Variants in ZNF571 observed in about 807,000 individuals in gnomAD.
ZNF571 encodes the protein zinc finger protein 571.
Under a neutral mutation model 7.7 loss-of-function variants are expected in ZNF571, and 4 were observed. The ratio of observed to expected loss-of-function variants is 0.52; its 90% CI spans 0.25 to 1.18. The LOEUF (loss-of-function observed/expected upper bound fraction) is 1.18, where lower values mean the gene tolerates loss of function less well. ZNF571 is among the 50% of genes most tolerant of loss of function. ZNF571 has a pLI of 0.14. For synonymous variants in ZNF571, 251 were observed against 232.4 expected, an observed-to-expected ratio of 1.08 and a Z score of -0.73; for missense variants, 704 against 726.9, an observed-to-expected ratio of 0.97 and a Z score of 0.36.
Position 37,565,003 on chromosome 19 carries a change from T to C in ZNF571, c.1425A>G (p.Glu475=), listed in dbSNP as rs2042797983. ...CAAAGGTCTTCCCACATTCCTTACATTCATAATGTTTCTCACCATGAATTT... is the reference window on the plus strand; with the variant it reads ...CAAAGGTCTTCCCACATTCCTTACACTCATAATGTTTCTCACCATGAATTT... ...HEKIHGEKHY[E]CKECGKTFVR... is the part of the protein sequence containing the mutation. The change falls in exon 4 of 4, where the codon GAA becomes GAG. Residue 475 remains glutamate (E), a synonymous_variant. Transcript: ENST00000451802. 2 of 1,613,904 alleles carry C rather than the reference T, an allele frequency of 1.2e-6. No individual in the cohort carries two copies. The highest frequency in any genetic ancestry group is 1.7e-4 in the Middle Eastern group (1 of 6,056).
At chr19:37,572,894 G>T (rs1186439716) in intron 3 of ZNF571, among the ~76,000 whole-genome samples, 1 of 148,032 alleles carries the variant, frequency 6.8e-6, no homozygotes, top group Non-Finnish European at 1.5e-5. Flanking sequence ...TTCAGGGCAA[G>T]AAATAATTAT....
At chr19:37,572,665 C>T (rs1301131541) in intron 3 of ZNF571, among the ~76,000 whole-genome samples, 1 of 152,130 alleles carries the variant, frequency 6.6e-6, no homozygotes, top group Non-Finnish European at 1.5e-5. Flanking sequence ...CTAACTCATG[C>T]CTCCATATAT....
rs114707086 is a variant in ZNF571 at position 37,578,695 on chromosome 19, G to A, written c.136+5276C>T. On this transcript the variant is annotated intron_variant, in intron 3 of 3. Transcript: ENST00000451802. ...GCGACCCTGTCCCCACCTGAACTCT[G>A]CAGGCAGGCACAGCTCCACATTCCC... Among the ~76,000 whole-genome samples, 573 of 150,796 alleles carry A rather than the reference G, an allele frequency of 3.8e-3. 3 individuals carry two copies. The highest frequency in any genetic ancestry group is 0.013 in the African/African-American group (536 of 40,958).
intron 1 of ZNF571, among the ~76,000 whole-genome samples, chr19:37,588,130 C>T (rs2043745775): frequency 9.1e-6 from 1 of 109,520 alleles, no homozygotes; most frequent in African/African-American, 3.4e-5. Context: ...AAAAAAAAAT[C>T]CCATGGGTTA....
chr19:37,566,552 C>G, intron 3 of ZNF571: 1 of 325,734 alleles, frequency 3.1e-6, no homozygotes, highest in Non-Finnish European at 5.6e-6. Flanking sequence ...ACCCAGGAGG[C>G]TTATAAAATA....
chr19:37,564,730 G>A lies in ZNF571; in HGVS notation c.1698C>T (p.Ala566=), dbSNP rs1465293996. 2 of 1,613,472 alleles carry A rather than the reference G, an allele frequency of 1.2e-6. No individual in the cohort carries two copies. Among genetic ancestry groups the A allele is most frequent in the South Asian group, 1.1e-5 (1 of 91,080 alleles). ...KPYECKECGR[A]FSRGSELTLH... ...GAGTAAGTTCTGAGCCACGACTAAA[G>A]GCCCTCCCACATTCCTTACATTCAT... Residue 566 remains alanine, a synonymous_variant, in exon 4 of 4, where the codon GCC becomes GCT. Coordinates refer to ENST00000451802, the MANE Select transcript of ZNF571 (RefSeq NM_016536.5).
chr19:37,582,026 C>G (rs4803277), intron 3 of ZNF571, among the ~76,000 whole-genome samples: 147,460 of 152,280 alleles, frequency 0.97, 71,433 homozygotes, highest in African/African-American at 0.99. Flanking sequence ...TATATAAACT[C>G]TAATCACACT....
chr19:37,575,993 C>T (rs1487878041), intron 3 of ZNF571, among the ~76,000 whole-genome samples: 2 of 151,900 alleles, frequency 1.3e-5, no homozygotes, highest in Non-Finnish European at 2.9e-5. Context: ...TGCCAAACTT[C>T]AAAACAGGAA....
rs1174545264 is a variant in ZNF571, at chr19:37,564,618, G to A, written c.1810C>T (p.His604Tyr). The A allele has an allele frequency of 6.5e-7, 1 of 1,545,334 alleles. No individual in the cohort carries two copies. Among genetic ancestry groups the A allele is most frequent in the Non-Finnish European group, 8.7e-7 (1 of 1,146,934 alleles). ...DFRCPSQLTQ[H>Y]TRLHN ...CTTTCTCAATTATGAAGCCTTGTAT[G>A]TTGAGTAAGTTGTGAAGGACATCTA... The change falls in exon 4 of 4, where the codon CAT (histidine) becomes TAT (tyrosine). Residue 604 changes from histidine to tyrosine, a missense_variant. Transcript: ENST00000451802.
chr19:37,570,966 C>A (rs528710851), intron 3 of ZNF571, among the ~76,000 whole-genome samples: 7 of 152,272 alleles, frequency 4.6e-5, no homozygotes, highest in South Asian at 2.1e-4. Flanking sequence ...ATACAAATTA[C>A]TCTAATTTTA....
In ZNF571 at chr19:37,586,734, G is replaced by A; in HGVS notation, c.-58C>T. ...TTCTCCTGGAGGTGTGCAAAGTCCA[G>A]AGAAGCCAGTGCTGGACAAGGAAAA... On this transcript the variant is annotated 5_prime_UTR_variant, in exon 2 of 4. Coordinates refer to ENST00000451802, the MANE Select transcript of ZNF571 (RefSeq NM_016536.5). The A allele has an allele frequency of 1.2e-6, 2 of 1,605,104 alleles. No homozygotes were observed. Among genetic ancestry groups the A allele is most frequent in the Non-Finnish European group, 1.7e-6 (2 of 1,173,408 alleles).
chr19:37,585,149 G>A (rs568261622), intron 2 of ZNF571: 2 of 152,138 alleles, frequency 1.3e-5, no homozygotes, highest in African/African-American at 4.8e-5. Context: ...GGTACATTCC[G>A]GGAAATCCCA....
intron 3 of ZNF571, among the ~76,000 whole-genome samples, chr19:37,576,703 A>G (rs998529567): frequency 6.6e-6 from 1 of 152,230 alleles, no homozygotes; most frequent in Non-Finnish European, 1.5e-5. Context: ...TAATATAAAA[A>G]TAAACTATGA....
chr19:37,575,570 C>A (rs1239238405), intron 3 of ZNF571: 1 of 152,220 alleles, frequency 6.6e-6, no homozygotes, highest in Non-Finnish European at 1.5e-5. Context: ...TGTCCCACTT[C>A]TCGTTCTGGG....
chr19:37,592,499 T>A (rs1300476600), intron 1 of ZNF571, among the ~76,000 whole-genome samples: 1 of 152,182 alleles, frequency 6.6e-6, no homozygotes, highest in Admixed American at 6.5e-5. Context: ...TCCTCTTCCT[T>A]CTCAAAAACC....
At chr19:37,589,001 G>A (rs1046723237) in intron 1 of ZNF571, among the ~76,000 whole-genome samples, 9 of 151,872 alleles carry the variant, frequency 5.9e-5, no homozygotes, top group South Asian at 2.1e-4. Flanking sequence ...GCAGTTCACC[G>A]TCAGCCTGGC....
intron 2 of ZNF571, 185 bp from the exon 3 acceptor site, chr19:37,584,282 C>G: frequency 1.6e-6 from 1 of 636,938 alleles, no homozygotes. Context: ...TTCCTCTGTA[C>G]AATAGAACAA....
At position 37,566,130 on chromosome 19, in the gene ZNF571, C is replaced by G. The variant is rs1289490827; in HGVS notation, c.298G>C (p.Glu100Gln). 4 of 1,614,062 alleles carry G rather than the reference C, an allele frequency of 2.5e-6. No individual in the cohort carries two copies. The Admixed American group carries it at 6.7e-5, about 27-fold the overall frequency. Reference sequence around the variant, plus strand: ...ATGTAAAGCCCTTCCTGACTTGCTTCTTGACCCTCTAAGTTGCCTTTGCAC... The same window carrying G: ...ATGTAAAGCCCTTCCTGACTTGCTTGTTGACCCTCTAAGTTGCCTTTGCAC... ...MECKGNLEGQ[E>Q]ASQEGLYMCV... The change falls in exon 4 of 4, where the codon GAA becomes CAA. Residue 100 changes from glutamate (E) to glutamine (Q), a missense_variant. Glu to Gln is a conservative substitution (Grantham distance 29, BLOSUM62 2). Transcript: ENST00000451802.
At chr19:37,592,830 T>C (rs1368578914) in intron 1 of ZNF571, among the ~76,000 whole-genome samples, 1 of 152,144 alleles carries the variant, frequency 6.6e-6, no homozygotes, top group African/African-American at 2.4e-5. Flanking sequence ...AAAAGCAGTA[T>C]ACAGAATATT....
Sources: allele counts gnomAD v4.1 joint callset (sites outside exome capture counted in the v4.1 genomes callset), GRCh38; gene constraint gnomAD v4.1.1; transcripts MANE v1.5; gene names NCBI Gene and HGNC (gene_info 2026-07-23, HGNC 2026-07-21).